The following RTN4 variants were observed in gnomAD, a reference collection of about 807,000 sequenced individuals.
RTN4 encodes reticulon-4.
Under a neutral mutation model 90.4 loss-of-function variants are expected in RTN4, and 32 were observed. That is an observed-to-expected ratio of 0.35 (90% CI 0.27 to 0.48). RTN4 has a LOEUF of 0.48. Among genes scored for constraint, RTN4 ranks in the 20% least tolerant of loss-of-function variants. The probability of loss-of-function intolerance (pLI) is 0.99; values close to 1 mark genes in which losing one functional copy is unlikely to be tolerated. For synonymous variants in RTN4, 629 were observed against 552.5 expected (o/e 1.14, Z -1.94); for missense variants, 1,706 against 1,430.2 (o/e 1.19, Z -3.11).
At chr2:55,058,447 T>C (rs1668229018) in intron 2 of RTN4, among the ~76,000 whole-genome samples, 1 of 152,252 alleles carries the variant, frequency 6.6e-6, no homozygotes, top group African/African-American at 2.4e-5. Flanking sequence ...TTCATTTTTT[T>C]ACCCATACGA....
At chr2:55,044,785 T>A (rs1220566074) in intron 1 of RTN4, among the ~76,000 whole-genome samples, 479 of 65,570 alleles carry the variant, frequency 7.3e-3, no homozygotes, top group Middle Eastern at 0.02. Flanking sequence ...TGCAAATCAC[T>A]AAAAAAAAAA....
intron 3 of RTN4, among the ~76,000 whole-genome samples, chr2:54,991,721 A>G (rs1260279141): frequency 6.6e-6 from 1 of 152,180 alleles, no homozygotes. Flanking sequence ...TTTTAGATCT[A>G]GATTTTTTTG....
chr2:55,124,124 C>A, the RTN4 span, among the ~76,000 whole-genome samples: 1 of 152,200 alleles, frequency 6.6e-6, no homozygotes, highest in Non-Finnish European at 1.5e-5. Flanking sequence ...CAAGTTTGAG[C>A]TGAGAGAATC....
chr2:55,012,761 G>A (rs1158725352), intron 3 of RTN4, among the ~76,000 whole-genome samples: 2 of 152,014 alleles, frequency 1.3e-5, no homozygotes, highest in African/African-American at 4.8e-5. Context: ...TCAACTCTAG[G>A]CAATAACCCA....
At chr2:55,137,534 G>C in the RTN4 span, among the ~76,000 whole-genome samples, 1 of 152,112 alleles carries the variant, frequency 6.6e-6, no homozygotes, top group African/African-American at 2.4e-5. Flanking sequence ...GAGTCATGTG[G>C]AAGGGCTGGA....
chr2:55,115,502 A>T (rs990375021), upstream of RTN4, among the ~76,000 whole-genome samples: 1 of 152,208 alleles, frequency 6.6e-6, no homozygotes, highest in African/African-American at 2.4e-5. Flanking sequence ...GAGAGGAGGC[A>T]CGATTTTGCC....
intron 1 of RTN4, among the ~76,000 whole-genome samples, chr2:55,087,055 G>A (rs542868131): frequency 2.6e-4 from 40 of 152,164 alleles, no homozygotes; most frequent in African/African-American, 9.2e-4. Flanking sequence ...TAATAAACTT[G>A]TTTGTTCAGT....
At chr2:55,094,026 G>A (rs967052513) in intron 1 of RTN4, among the ~76,000 whole-genome samples, 19 of 152,102 alleles carry the variant, frequency 1.2e-4, no homozygotes, top group African/African-American at 2.4e-4. Flanking sequence ...GTGGCAGAGC[G>A]GATGGAGCCA....
chr2:55,039,302 G>T (rs1682899826), intron 1 of RTN4, among the ~76,000 whole-genome samples: 2 of 152,136 alleles, frequency 1.3e-5, no homozygotes, highest in African/African-American at 2.4e-5. Context: ...AGGTGAAAAA[G>T]GTGTATGGGC....
intron 1 of RTN4, among the ~76,000 whole-genome samples, chr2:55,031,694 AC>A (rs1455206923): frequency 6.6e-6 from 1 of 152,244 alleles, no homozygotes; most frequent in Non-Finnish European, 1.5e-5. Context: ...GAGTCAGCAA[AC>A]CATGGCTCAT....
At chr2:55,055,411 A>G (rs1573486006), upstream of RTN4, among the ~76,000 whole-genome samples, 2 of 152,154 alleles carry the variant, frequency 1.3e-5, no homozygotes, top group Admixed American at 6.5e-5. Flanking sequence ...TTAATCTTCA[A>G]TGGAGATAGA....
intron 4 of RTN4, among the ~76,000 whole-genome samples, chr2:54,983,321 T>TATTA (rs372652323): frequency 7.4e-5 from 11 of 148,134 alleles, no homozygotes; most frequent in Non-Finnish European, 1.2e-4. Flanking sequence ...ATTGTATTGG[T>TATTA]AATAAATAAA....
chr2:55,029,145 C>A (rs1682122026), intron 1 of RTN4, among the ~76,000 whole-genome samples: 1 of 152,106 alleles, frequency 6.6e-6, no homozygotes, highest in Non-Finnish European at 1.5e-5. Context: ...TCCCCAGGCA[C>A]ACACAAGAGG....
chr2:55,071,430 C>A (rs1384711214), intron 2 of RTN4, among the ~76,000 whole-genome samples: 1 of 149,566 alleles, frequency 6.7e-6, no homozygotes, highest in African/African-American at 2.4e-5. Context: ...TCATTACGGT[C>A]TTTTCAGAAA....
At chr2:55,084,535 G>A (rs1668802319) in intron 1 of RTN4, among the ~76,000 whole-genome samples, 1 of 152,136 alleles carries the variant, frequency 6.6e-6, no homozygotes, top group African/African-American at 2.4e-5. Context: ...CCCCTGGGGG[G>A]TCATGGGAAC....
intron 1 of RTN4, among the ~76,000 whole-genome samples, chr2:55,087,217 T>A (rs1668857001): frequency 1.3e-5 from 2 of 152,210 alleles, no homozygotes; most frequent in Admixed American, 6.5e-5. Flanking sequence ...TATGTGTTTC[T>A]GTTCAGTATA....
chr2:55,091,066 G>A (rs967930420), intron 1 of RTN4, among the ~76,000 whole-genome samples: 7 of 152,192 alleles, frequency 4.6e-5, no homozygotes, highest in Non-Finnish European at 1.0e-4. Context: ...CAACTGGCTA[G>A]AGCAAAAACC....
rs140331358 is a variant in RTN4, at chr2:54,997,775, T to C, written c.3014-10077A>G. Among the ~76,000 whole-genome samples, 471 of 152,322 alleles carry C rather than the reference T, an allele frequency of 3.1e-3. 2 individuals are homozygous for C. Among genetic ancestry groups the C allele is most frequent in the African/African-American group, 0.011 (440 of 41,572 alleles). On this transcript the variant is annotated intron_variant, in intron 3 of 8. Transcript: ENST00000337526. The stretch of plus-strand genomic sequence containing the variant: ...ACAGTTAAAAATTAGGTGAGTATAG[T>C]ACAATGAGATATTTTGAGAAAGACA...
rs375104385 is a variant in RTN4, at chr2:54,987,477, T to C, written c.3221+14A>G. ...ACTATTGCCAATGCATGCCTTGTTT[T>C]CCAGACATCTCACCTGAATGGGTGG... On this transcript the variant is annotated intron_variant, in intron 4 of 8. Coordinates refer to ENST00000337526, the MANE Select transcript of RTN4 (RefSeq NM_020532.5). 4 of 1,577,372 alleles carry C rather than the reference T, an allele frequency of 2.5e-6. No individual in the cohort carries two copies. The highest frequency in any genetic ancestry group is 3.5e-6 in the Non-Finnish European group (4 of 1,146,172).
Sources: gnomAD v4.1 joint callset for allele counts (sites outside exome capture counted in the v4.1 genomes callset) on GRCh38, gnomAD v4.1.1 for gene constraint, MANE v1.5 for transcripts, NCBI Gene and HGNC (gene_info 2026-07-23, HGNC 2026-07-21) for gene names.